NUBP2: variants seen among roughly 807,000 people sequenced by gnomAD.
The protein encoded by NUBP2 is NUBP iron-sulfur cluster assembly factor 2, cytosolic.
NUBP2 carries 23 observed loss-of-function variants against 24.9 expected under a neutral mutation model. That is an observed-to-expected ratio of 0.92 (90% confidence interval 0.66 to 1.31). The LOEUF is 1.31. Ranked by LOEUF, NUBP2 falls within the 50% of genes most tolerant of loss-of-function variation. The probability of loss-of-function intolerance (pLI) is 0.00; values close to 1 mark genes in which losing one functional copy is unlikely to be tolerated. For missense variants in NUBP2, 403 were observed against 386.5 expected (o/e 1.04, Z -0.36); for synonymous variants, 186 against 170.9 (o/e 1.09, Z -0.69).
At chr16:1,786,407 C>T (rs1198559103) in intron 1 of NUBP2, 130 bp from the exon 2 acceptor site, 11 of 819,028 alleles carry the variant, frequency 1.3e-5, no homozygotes, top group South Asian at 1.2e-4. Flanking sequence ...GGGGCACGGG[C>T]TGCCTCTGGG....
intron 1 of NUBP2, chr16:1,783,343 C>G (rs1896810965): frequency 2.7e-6 from 3 of 1,105,048 alleles, no homozygotes; most frequent in African/African-American, 1.7e-5. Context: ...GTGGGCCCCG[C>G]TATCCTGGAG....
chr16:1,788,323 C>G lies in NUBP2; in HGVS notation c.670+116C>G. ...GAGAGGAGGGGACGGGAGCGGTTTC[C>G]TCCTCTCTTCTCGGGCCACACGCCA... On this transcript the variant is annotated intron_variant, in intron 6 of 6. Transcript: ENST00000262302. 3.5e-6 allele frequency: 4 copies of G among 1,147,336 alleles called. No homozygotes were observed. The South Asian group carries it at 6.9e-5, about 20-fold the overall frequency. 71.1% of individuals were successfully genotyped at this position (1,147,336 alleles called of 1,614,324 possible). A position where few individuals can be genotyped will look rare whatever the true frequency, so the allele number is the denominator to read the frequency against.
At chr16:1,788,399 C>T (rs536397511) in intron 6 of NUBP2, among the ~76,000 whole-genome samples, 170 bp from the exon 7 acceptor site, 3 of 152,298 alleles carry the variant, frequency 2.0e-5, no homozygotes, top group East Asian at 1.9e-4. Flanking sequence ...AGGGCCCTCT[C>T]GGGTGGCAGG....
intron 1 of NUBP2, 38 bp downstream of exon 1, chr16:1,783,074 C>T (rs1896797202): frequency 3.2e-6 from 4 of 1,246,640 alleles, no homozygotes; most frequent in Non-Finnish European, 4.0e-6. Context: ...GCTCCAGGGC[C>T]TCGCTTGGGG....
Position 1,788,663 on chromosome 16 carries a change from C to CA in NUBP2, c.766dup (p.Thr256AsnfsTer117), listed in dbSNP as rs750825452. The CA allele has an allele frequency of 6.2e-7, 1 of 1,612,492 alleles. No homozygotes were observed. Among genetic ancestry groups the CA allele is most frequent in the Non-Finnish European group, 8.5e-7 (1 of 1,179,832 alleles). Reference sequence around the variant, plus strand: ...CTGGGAGCCCCGCCTTCGCTGCACTCACCTCCATAGCCCAGAAGATTCTGG... The same window carrying CA: ...CTGGGAGCCCCGCCTTCGCTGCACTCAACCTCCATAGCCCAGAAGATTCTGG... On this transcript the variant is annotated frameshift_variant, in exon 7 of 7. Coordinates refer to ENST00000262302, the MANE Select transcript of NUBP2 (RefSeq NM_012225.4). LOFTEE classifies it low-confidence loss of function (END_TRUNC).
In NUBP2 at chr16:1,787,937, G is replaced by A. The variant is rs201633677; in HGVS notation, c.490-4G>A. Reference sequence around the variant, plus strand: ...TGACCGTGGCCTCGGCTCCTGCCCCGCAGGCGGTGTCCGTGGGGGACGTGA... The same window carrying A: ...TGACCGTGGCCTCGGCTCCTGCCCCACAGGCGGTGTCCGTGGGGGACGTGA... On this transcript the variant is annotated splice_polypyrimidine_tract_variant and splice_region_variant and intron_variant, in intron 4 of 6. Transcript: ENST00000262302. 1.7e-4 allele frequency: 274 copies of A among 1,604,028 alleles called. No homozygotes were observed. The highest frequency in any genetic ancestry group is 2.3e-4 in the Non-Finnish European group (266 of 1,176,294).
intron 1 of NUBP2, chr16:1,783,256 C>G (rs930041469): frequency 1.6e-4 from 187 of 1,160,550 alleles, no homozygotes; most frequent in Non-Finnish European, 1.9e-4. Flanking sequence ...TCTCGGAGGG[C>G]CTGAGTCGTG....
At position 1,787,934 on chromosome 16, in the gene NUBP2, C is replaced by T. The variant is rs918260532; in HGVS notation, c.490-7C>T. 8.7e-6 allele frequency: 14 copies of T among 1,603,976 alleles called. No homozygotes were observed. The highest frequency in any genetic ancestry group is 2.2e-5 in the South Asian group (2 of 90,776). Reference sequence around the variant, plus strand: ...GGCTGACCGTGGCCTCGGCTCCTGCCCCGCAGGCGGTGTCCGTGGGGGACG... The same window carrying T: ...GGCTGACCGTGGCCTCGGCTCCTGCTCCGCAGGCGGTGTCCGTGGGGGACG... On this transcript the variant is annotated splice_polypyrimidine_tract_variant and splice_region_variant and intron_variant, in intron 4 of 6. Coordinates refer to ENST00000262302, the MANE Select transcript of NUBP2 (RefSeq NM_012225.4).
chr16:1,786,708 G>C (rs2575351), intron 2 of NUBP2, 49 bp from the exon 3 acceptor site: 1,294,476 of 1,611,558 alleles, frequency 0.8, 521,697 homozygotes, highest in African/African-American at 0.93. Flanking sequence ...CCCGCATCCC[G>C]GTGGAGGCCT....
intron 1 of NUBP2, chr16:1,785,067 A>G (rs1896898808): frequency 1.0e-6 from 1 of 984,378 alleles, no homozygotes; most frequent in Non-Finnish European, 1.2e-6. Flanking sequence ...AAAAATATAC[A>G]TTTACTGTAA....
chr16:1,788,284 C>T (rs1452330419), intron 6 of NUBP2, 77 bp downstream of exon 6: 1 of 1,339,408 alleles, frequency 7.5e-7, no homozygotes, highest in African/African-American at 1.5e-5. Context: ...CCTCCATGCC[C>T]CCAGTGCCCA....
At position 1,783,199 on chromosome 16, in the gene NUBP2, C is replaced by G. The variant is rs377109656; in HGVS notation, c.16+163C>G. ...GGCCGCGGCGCGGGCATTTTCTAAA[C>G]AGGGTCGTTTCCCGCGTGCTCCTGC... On this transcript the variant is annotated intron_variant, in intron 1 of 6. Coordinates refer to ENST00000262302, the MANE Select transcript of NUBP2 (RefSeq NM_012225.4). 21 of 1,172,512 alleles carry G rather than the reference C, an allele frequency of 1.8e-5. No individual in the cohort carries two copies. The African/African-American group carries it at 2.4e-4, about 13-fold the overall frequency. The allele number at this position is 1,172,512 out of a possible 1,614,324, so 72.6% of individuals were successfully genotyped here.
chr16:1,785,219 C>T, intron 1 of NUBP2: 1 of 1,010,996 alleles, frequency 9.9e-7, no homozygotes, highest in Non-Finnish European at 1.2e-6. Flanking sequence ...GCCCCACTGC[C>T]CCACCCGGCA....
In NUBP2 at chr16:1,788,585, C is replaced by T. The variant is rs758219536; in HGVS notation, c.687C>T (p.Asp229=). ...GVPFLGSVPL[D]PALMRTLEEG... is the part of the protein sequence containing the mutation. Reference sequence around the variant, plus strand: ...GCCCTGCAGGCTCCGTGCCCCTGGACCCTGCGCTCATGAGGACCCTGGAGG... The same window carrying T: ...GCCCTGCAGGCTCCGTGCCCCTGGATCCTGCGCTCATGAGGACCCTGGAGG... Residue 229 remains aspartate (D), a synonymous_variant, in exon 7 of 7, where the codon GAC becomes GAT. Transcript: ENST00000262302. 4.4e-6 allele frequency: 7 copies of T among 1,607,438 alleles called. No individual in the cohort carries two copies. The highest frequency in any genetic ancestry group is 5.1e-6 in the Non-Finnish European group (6 of 1,178,830).
chr16:1,788,504 A>G, intron 6 of NUBP2, 65 bp from the exon 7 acceptor site: 1 of 1,514,828 alleles, frequency 6.6e-7, no homozygotes, highest in South Asian at 1.2e-5. Flanking sequence ...GGGTGCGTCC[A>G]GCTGAGCCAA....
chr16:1,783,072 G>T, intron 1 of NUBP2, 36 bp downstream of exon 1: 2 of 1,247,792 alleles, frequency 1.6e-6, no homozygotes, highest in East Asian at 3.2e-5. Context: ...CCGCTCCAGG[G>T]CCTCGCTTGG....
chr16:1,787,786 G>A lies in NUBP2; in HGVS notation c.444G>A (p.Leu148=). ...AGCACATGGCCACCATAGAAGCCCT[G>A]CGTCCCTACCAGCCCCTGGGGGCCC... is the stretch of plus-strand genomic sequence containing the variant. The part of the protein sequence containing the change: ...SDEHMATIEA[L]RPYQPLGALV... The change falls in exon 4 of 7, where the codon CTG becomes CTA. Residue 148 remains leucine, a synonymous_variant. Transcript: ENST00000262302. 1 of 1,612,388 alleles carries A rather than the reference G, an allele frequency of 6.2e-7. No individual in the cohort carries two copies. Among genetic ancestry groups the A allele is most frequent in the South Asian group, 1.1e-5 (1 of 91,092 alleles).
At chr16:1,784,083 G>C (rs1170812695) in intron 1 of NUBP2, 1 of 922,000 alleles carries the variant, frequency 1.1e-6, no homozygotes, top group Non-Finnish European at 1.3e-6. Flanking sequence ...ATATTACTGA[G>C]ATTGATAGAA....
intron 1 of NUBP2, chr16:1,785,836 CA>C (rs1185196813): frequency 1.4e-5 from 18 of 1,288,944 alleles, no homozygotes; most frequent in Non-Finnish European, 1.8e-5. Flanking sequence ...ATGCACCCTC[CA>C]AGGACCTGTC....
Sources: gnomAD v4.1 joint callset for allele counts (sites outside exome capture counted in the v4.1 genomes callset) on GRCh38, gnomAD v4.1.1 for gene constraint, MANE v1.5 for transcripts, NCBI Gene and HGNC (gene_info 2026-07-23, HGNC 2026-07-21) for gene names.